Variants in IGFL2 observed in about 807,000 individuals in gnomAD.
The protein encoded by IGFL2 is insulin growth factor-like family member 2.
IGFL2 carries 7 observed loss-of-function variants against 13.9 expected under a neutral mutation model. That is an observed-to-expected ratio of 0.51 (90% CI 0.29 to 0.95). The LOEUF is 0.95. IGFL2 is among the 40% of genes least tolerant of loss of function. The pLI is 0.08. For synonymous variants in IGFL2, 55 were observed against 55.8 expected (o/e 0.99, Z 0.07); for missense variants, 138 against 147.8 (o/e 0.93, Z 0.34).
At chr19:46,092,709 G>A in the IGFL2 span, among the ~76,000 whole-genome samples, 1 of 151,388 alleles carries the variant, frequency 6.6e-6, no homozygotes, top group Non-Finnish European at 1.5e-5. Context: ...TTGAACTCCT[G>A]GCCTCAAGTT....
the IGFL2 span, among the ~76,000 whole-genome samples, chr19:46,093,942 T>C: frequency 4.0e-5 from 6 of 151,734 alleles, no homozygotes; most frequent in Admixed American, 1.3e-4. Flanking sequence ...AGGAGAGATA[T>C]ACTGTAGCCA....
chr19:46,085,111 G>A, the IGFL2 span, among the ~76,000 whole-genome samples: 3 of 152,072 alleles, frequency 2.0e-5, no homozygotes, highest in African/African-American at 7.2e-5. Context: ...GGGGCTACAG[G>A]CCCCAATGCA....
At chr19:46,116,143 CAT>C in the IGFL2 span, among the ~76,000 whole-genome samples, 1 of 152,104 alleles carries the variant, frequency 6.6e-6, no homozygotes, top group African/African-American at 2.4e-5. Context: ...AGGTTTGTTA[CAT>C]ATGTATACAT....
At chr19:46,101,593 C>T in the IGFL2 span, among the ~76,000 whole-genome samples, 7 of 152,228 alleles carry the variant, frequency 4.6e-5, no homozygotes, top group South Asian at 6.2e-4. Context: ...AAAACGGCAG[C>T]CCCGAGCTGT....
At chr19:46,158,280 T>C (rs948216450) in intron 1 of IGFL2, among the ~76,000 whole-genome samples, 5 of 152,106 alleles carry the variant, frequency 3.3e-5, no homozygotes, top group African/African-American at 1.2e-4. Context: ...CGATCTTGGC[T>C]CACTGCAAAC....
chr19:46,085,064 G>A, the IGFL2 span, among the ~76,000 whole-genome samples: 4 of 152,184 alleles, frequency 2.6e-5, no homozygotes, highest in Non-Finnish European at 5.9e-5. Context: ...ACAGCTATTG[G>A]GTCGCTCTCC....
upstream of IGFL2, among the ~76,000 whole-genome samples, chr19:46,139,769 A>G (rs1259184269): frequency 6.6e-6 from 1 of 152,238 alleles, no homozygotes; most frequent in Non-Finnish European, 1.5e-5. Context: ...ACAAAAAATC[A>G]GAATGGGCTA....
the IGFL2 span, among the ~76,000 whole-genome samples, chr19:46,105,838 T>C: frequency 0.21 from 31,642 of 152,078 alleles, 5,128 homozygotes; most frequent in African/African-American, 0.45. Flanking sequence ...GGCTACAGGG[T>C]GCAGTCCCAG....
intron 1 of IGFL2, among the ~76,000 whole-genome samples, chr19:46,151,844 G>A (rs1388926046): frequency 2.0e-5 from 3 of 152,124 alleles, no homozygotes; most frequent in African/African-American, 2.4e-5. Flanking sequence ...CCTGTGAGGC[G>A]GAGGTTGCAG....
chr19:46,137,475 C>T, the IGFL2 span: 1 of 1,112,424 alleles, frequency 9.0e-7, no homozygotes, highest in Non-Finnish European at 1.4e-6. Flanking sequence ...TGCACAGACT[C>T]CTTGGGCAGG....
At chr19:46,111,062 TGTTGA>T in the IGFL2 span, 4 of 152,306 alleles carry the variant, frequency 2.6e-5, no homozygotes, top group Admixed American at 6.5e-5. Flanking sequence ...CCAGGGTAGT[TGTTGA>T]GTTATCTTAC....
chr19:46,131,231 CTGTTGATGG>C, the IGFL2 span, among the ~76,000 whole-genome samples: 2 of 152,104 alleles, frequency 1.3e-5, no homozygotes, highest in Non-Finnish European at 2.9e-5. Flanking sequence ...TTAGCTTTAT[CTGTTGATGG>C]ACTCTGTTCA....
the IGFL2 span, among the ~76,000 whole-genome samples, chr19:46,193,332 C>T: frequency 6.6e-6 from 1 of 152,182 alleles, no homozygotes; most frequent in African/African-American, 2.4e-5. Flanking sequence ...AGCATATTGA[C>T]ACTGTAGATG....
the IGFL2 span, among the ~76,000 whole-genome samples, chr19:46,125,111 G>A: frequency 2.0e-5 from 3 of 152,118 alleles, no homozygotes; most frequent in Admixed American, 6.5e-5. Flanking sequence ...CCCCAAGCAC[G>A]ATGTCTCTGG....
intron 1 of IGFL2, chr19:46,159,627 G>A (rs1974028956): frequency 6.6e-6 from 1 of 152,060 alleles, no homozygotes; most frequent in Admixed American, 6.5e-5. Context: ...TTTCAACCAT[G>A]GAATATTTGA....
the IGFL2 span, chr19:46,111,745 T>A: frequency 6.6e-6 from 1 of 152,236 alleles, no homozygotes; most frequent in Non-Finnish European, 1.5e-5. Context: ...CAATCAGGTT[T>A]ACTACCAGCC....
upstream of IGFL2, among the ~76,000 whole-genome samples, chr19:46,140,453 G>C (rs1972812047): frequency 6.6e-6 from 1 of 152,138 alleles, no homozygotes; most frequent in South Asian, 2.1e-4. Flanking sequence ...TAAGGTGGGA[G>C]GATCACTTGA....
upstream of IGFL2, among the ~76,000 whole-genome samples, chr19:46,146,571 G>T (rs1175096703): frequency 3.3e-5 from 5 of 152,226 alleles, no homozygotes; most frequent in East Asian, 1.9e-4. Flanking sequence ...CTAAATTACA[G>T]ATTCCAAACC....
chr19:46,173,091 T>A, the IGFL2 span, among the ~76,000 whole-genome samples: 1 of 152,224 alleles, frequency 6.6e-6, no homozygotes, highest in African/African-American at 2.4e-5. Flanking sequence ...GTAAAATGAA[T>A]AGTTGCATCA....
Sources: allele counts gnomAD v4.1 joint callset (sites outside exome capture counted in the v4.1 genomes callset), GRCh38; gene constraint gnomAD v4.1.1; transcripts MANE v1.5; gene names NCBI Gene and HGNC (gene_info 2026-07-23, HGNC 2026-07-21).